The following DENND4C variants were observed in gnomAD, a reference collection of about 807,000 sequenced individuals.
DENND4C encodes DENN domain-containing protein 4C.
A neutral mutation model predicts 203.0 loss-of-function variants in DENND4C; 108 were observed. The observed-to-expected ratio is 0.53, with a 90% confidence interval of 0.46 to 0.62. The LOEUF (loss-of-function observed/expected upper bound fraction) is 0.62. Among genes scored for constraint, DENND4C ranks in the 20% least tolerant of loss-of-function variants. The pLI is 0.00. For missense variants in DENND4C, 2,481 were observed against 2,301.2 expected (o/e 1.08, Z -1.60); for synonymous variants, 871 against 792.4 (o/e 1.10, Z -1.67).
At chr9:19,293,521 G>T (rs534035117) in intron 5 of DENND4C, among the ~76,000 whole-genome samples, 36 of 151,934 alleles carry the variant, frequency 2.4e-4, no homozygotes, top group African/African-American at 8.7e-4. Flanking sequence ...GGGTTCCTGT[G>T]ATATATATAA....
At chr9:19,287,586 A>G (rs1031660011) in intron 3 of DENND4C, among the ~76,000 whole-genome samples, 2 of 151,804 alleles carry the variant, frequency 1.3e-5, no homozygotes, top group Admixed American at 1.3e-4. Context: ...ACCTTAAGTG[A>G]TCCACCTCCC....
chr9:19,251,152 A>G (rs967932687), intron 1 of DENND4C, among the ~76,000 whole-genome samples: 75 of 152,246 alleles, frequency 4.9e-4, no homozygotes, highest in African/African-American at 1.7e-3. Context: ...ATTTCCATAC[A>G]TCCTCTGAAA....
chr9:19,367,283 G>C (rs1248706779), intron 30 of DENND4C, among the ~76,000 whole-genome samples: 2 of 152,212 alleles, frequency 1.3e-5, no homozygotes, highest in Non-Finnish European at 2.9e-5. Flanking sequence ...CAGTTTCACA[G>C]CTCCTCAAAA....
intron 1 of DENND4C, among the ~76,000 whole-genome samples, chr9:19,235,176 G>C (rs1821621759): frequency 6.6e-6 from 1 of 152,020 alleles, no homozygotes; most frequent in South Asian, 2.1e-4. Flanking sequence ...TGTTGGCCAG[G>C]CTGGTCTTGA....
At position 19,319,325 on chromosome 9, in the gene DENND4C, TACATATATATAC is replaced by T. The variant is rs1563798892; in HGVS notation, c.1807+2498_1807+2509del. Among the ~76,000 whole-genome samples, 9 of 43,382 alleles carry T rather than the reference TACATATATATAC, an allele frequency of 2.1e-4. No homozygotes were observed. In the South Asian group the frequency reaches 3.1e-3, roughly 15 times the overall value. The allele number at this position is 43,382 out of a possible 152,430, so 28.5% of individuals were successfully genotyped here. ...ATACACATATATACACACATATATA[TACATATATATAC>T]ACATATATATATACTTATATATACA... On this transcript the variant is annotated intron_variant, in intron 12 of 32. Coordinates refer to ENST00000434457, the MANE Select transcript of DENND4C (RefSeq NM_001330640.2).
chr9:19,331,207 CT>C (rs750304776), intron 16 of DENND4C, among the ~76,000 whole-genome samples: 2,587 of 141,610 alleles, frequency 0.018, 53 homozygotes, highest in African/African-American at 0.056. Context: ...GGAATAGGTC[CT>C]TTTTTTTTTT....
At chr9:19,242,271 G>A (rs1404707851) in intron 1 of DENND4C, among the ~76,000 whole-genome samples, 1 of 152,074 alleles carries the variant, frequency 6.6e-6, no homozygotes, top group African/African-American at 2.4e-5. Flanking sequence ...TATTTTTATT[G>A]CTAAATAATC....
At chr9:19,275,763 G>T (rs1832781538) in intron 1 of DENND4C, among the ~76,000 whole-genome samples, 1 of 152,034 alleles carries the variant, frequency 6.6e-6, no homozygotes, top group African/African-American at 2.4e-5. Context: ...GAGCCACCAT[G>T]CCCAGCCTAA....
rs773331228 is a variant in DENND4C, at chr9:19,374,001, T to C, written c.*1828T>C. The stretch of plus-strand genomic sequence containing the variant: ...CCTTCAAAATGGATCTTTTGCACTG[T>C]CTGAGAGTATATATTTTTGCAACTC... On this transcript the variant is annotated 3_prime_UTR_variant, in exon 33 of 33. Transcript: ENST00000434457. 4.6e-5 allele frequency among the ~76,000 whole-genome samples: 7 copies of C among 152,154 alleles called. No individual in the cohort carries two copies. Among genetic ancestry groups the C allele is most frequent in the African/African-American group, 7.2e-5 (3 of 41,430 alleles).
chr9:19,356,126 G>A (rs753239992), intron 26 of DENND4C, among the ~76,000 whole-genome samples: 2 of 151,636 alleles, frequency 1.3e-5, no homozygotes, highest in Non-Finnish European at 2.9e-5. Flanking sequence ...CTACCCCTGC[G>A]TCCTTCAATT....
At chr9:19,288,882 A>G (rs1835724752) in intron 4 of DENND4C, among the ~76,000 whole-genome samples, 1 of 152,230 alleles carries the variant, frequency 6.6e-6, no homozygotes, top group South Asian at 2.1e-4. Flanking sequence ...TTTAATTTAA[A>G]CATTTATCTA....
chr9:19,371,286 C>T lies in DENND4C; in HGVS notation c.5676-470C>T, dbSNP rs16937496. 5.1e-3 allele frequency: 783 copies of T among 153,736 alleles called. 22 individuals carry two copies. Among genetic ancestry groups the T allele is most frequent in the Admixed American group, 0.031 (473 of 15,304 alleles). 9.5% of individuals were successfully genotyped at this position (153,736 alleles called of 1,614,324 possible). On this transcript the variant is annotated intron_variant, in intron 31 of 32. Coordinates refer to ENST00000434457, the MANE Select transcript of DENND4C (RefSeq NM_001330640.2). ...ATTGGGTTAAATAGTAAAGAGACCA[C>T]ACCACCTTTTACATTGTTTGTGTCA...
Position 19,239,642 on chromosome 9 carries a change from A to C in DENND4C, c.-18+8809A>C, listed in dbSNP as rs888042296. On this transcript the variant is annotated intron_variant, in intron 1 of 32. Coordinates refer to ENST00000434457, the MANE Select transcript of DENND4C (RefSeq NM_001330640.2). ...GCTGGGATTACAAGCGCACACCACC[A>C]TGCCCGGCTAATTTTTGTGTTTTTA... Among the ~76,000 whole-genome samples the C allele has an allele frequency of 2.6e-5, 4 of 151,962 alleles. No homozygotes were observed. In the South Asian group the frequency reaches 8.3e-4, roughly 31 times the overall value.
chr9:19,267,371 C>T (rs1296268849), intron 1 of DENND4C, among the ~76,000 whole-genome samples: 1 of 152,070 alleles, frequency 6.6e-6, no homozygotes, highest in African/African-American at 2.4e-5. Flanking sequence ...TTCTTTGTCT[C>T]TTTTTATGGT....
At chr9:19,255,762 A>G (rs1319096009) in intron 1 of DENND4C, among the ~76,000 whole-genome samples, 5 of 152,260 alleles carry the variant, frequency 3.3e-5, no homozygotes, top group Admixed American at 6.5e-5. Context: ...AGACAAATCC[A>G]TAATTTTAGT....
At chr9:19,311,013 C>G (rs1029715313) in intron 10 of DENND4C, among the ~76,000 whole-genome samples, 1 of 152,098 alleles carries the variant, frequency 6.6e-6, no homozygotes, top group African/African-American at 2.4e-5. Context: ...GCGGACCATA[C>G]TTTGTATATA....
At position 19,276,185 on chromosome 9, in the gene DENND4C, A is replaced by T. The variant is rs1832877054; in HGVS notation, c.11A>T (p.Asp4Val). Residue 4 changes from aspartate (D) to valine (V), a missense_variant, in exon 2 of 33, where the codon GAC (aspartate) becomes GTC (valine). Physicochemically the swap from Asp to Val is radical, Grantham distance 152. Transcript: ENST00000434457. The part of the protein sequence containing the change: MIE[D>V]KGPRVTDYFV... ...AATACAGTAGCAGCCATGATAGAAG[A>T]CAAAGGACCAAGAGTGACAGACTAC... is the stretch of plus-strand genomic sequence containing the variant. The T allele has an allele frequency of 8.1e-7, 1 of 1,231,936 alleles. No homozygotes were observed. The highest frequency in any genetic ancestry group is 1.6e-5 in the African/African-American group (1 of 64,418). 76.3% of individuals were successfully genotyped at this position (1,231,936 alleles called of 1,614,324 possible).
rs1346329588 is a variant in DENND4C at position 19,325,989 on chromosome 9, G to T, written c.1989+15G>T. On this transcript the variant is annotated intron_variant, in intron 14 of 32. Coordinates refer to ENST00000434457, the MANE Select transcript of DENND4C (RefSeq NM_001330640.2). ...AAACAGATAAGGTATGTTTTTCTTA[G>T]ATTTTAAGGGTTGAAATTTCAGAAT... 3.1e-6 allele frequency: 5 copies of T among 1,608,092 alleles called. No homozygotes were observed. The highest frequency in any genetic ancestry group is 2.7e-5 in the African/African-American group (2 of 74,534).
intron 1 of DENND4C, among the ~76,000 whole-genome samples, chr9:19,256,802 G>C (rs1243872294): frequency 2.0e-5 from 3 of 152,088 alleles, no homozygotes; most frequent in Non-Finnish European, 2.9e-5. Context: ...CGGGTGCAGT[G>C]GCTCACGCCT....
Sources: allele counts gnomAD v4.1 joint callset (sites outside exome capture counted in the v4.1 genomes callset), GRCh38; gene constraint gnomAD v4.1.1; transcripts MANE v1.5; gene names NCBI Gene and HGNC (gene_info 2026-07-23, HGNC 2026-07-21).